ALDH7A1: variants seen among roughly 807,000 people sequenced by gnomAD.
The protein encoded by ALDH7A1 is alpha-aminoadipic semialdehyde dehydrogenase.
In ALDH7A1, 63 loss-of-function variants were observed where a neutral mutation model predicts 79.9. That is an observed-to-expected ratio of 0.79 (90% CI 0.64 to 0.97). ALDH7A1 has a LOEUF of 0.97. ALDH7A1 is among the 50% of genes least tolerant of loss of function. The pLI is 0.00. For synonymous variants in ALDH7A1, 240 were observed against 231.2 expected, an observed-to-expected ratio of 1.04 and a Z score of -0.34; for missense variants, 627 against 665.2, an observed-to-expected ratio of 0.94 and a Z score of 0.63.
intron 3 of ALDH7A1, 149 bp downstream of exon 3, chr5:126,592,515 G>C: frequency 1.4e-6 from 1 of 731,302 alleles, no homozygotes; most frequent in Non-Finnish European, 2.3e-6. Flanking sequence ...TTCCAAAACA[G>C]CAGGAGCCCT....
In ALDH7A1 at chr5:126,567,879, G is replaced by T. The variant is rs1162279536; in HGVS notation, c.871+380C>A. 2.1e-5 allele frequency: 6 copies of T among 287,844 alleles called. 1 individual carries two copies. In the East Asian group the frequency reaches 4.3e-4, roughly 20 times the overall value. The allele number at this position is 287,844 out of a possible 1,614,324, so 17.8% of individuals were successfully genotyped here. On this transcript the variant is annotated intron_variant, in intron 9 of 17. Transcript: ENST00000409134. ...GCTCACTGCAAGCTCCACCTCCCGG[G>T]TTCAGACCATTCTCTTGCCTCAGCC...
chr5:126,557,126 T>C (rs942338163), intron 11 of ALDH7A1, among the ~76,000 whole-genome samples: 2 of 152,138 alleles, frequency 1.3e-5, no homozygotes, highest in African/African-American at 4.8e-5. Context: ...GAGTGCATGG[T>C]TTTTTCTTAG....
In ALDH7A1 at chr5:126,570,811, A is replaced by G; in HGVS notation, c.744T>C (p.Cys248=). The change falls in exon 8 of 18, where the codon TGT becomes TGC. Residue 248 remains cysteine (C), a synonymous_variant. Coordinates refer to ENST00000409134, the MANE Select transcript of ALDH7A1 (RefSeq NM_001182.5). ...TATCTGCTCCACCACAAGTCAAGGA[A>G]CAAATTGCACCAGGCAGCTTGTTGT... ...LEDNKLPGAI[C]SLTCGGADIG... 6.2e-7 allele frequency: 1 copy of G among 1,614,074 alleles called. No homozygotes were observed. Among genetic ancestry groups the G allele is most frequent in the South Asian group, 1.1e-5 (1 of 91,090 alleles).
intron 11 of ALDH7A1, among the ~76,000 whole-genome samples, chr5:126,558,166 C>CAAAAAAAAA (rs35559498): frequency 2.5e-4 from 19 of 75,412 alleles, no homozygotes; most frequent in East Asian, 1.0e-3. Flanking sequence ...GACTCCAACT[C>CAAAAAAAAA]AAAAAAAAAA....
chr5:126,560,510 T>C (rs1750368968), intron 10 of ALDH7A1, among the ~76,000 whole-genome samples: 1 of 152,192 alleles, frequency 6.6e-6, no homozygotes, highest in South Asian at 2.1e-4. Context: ...CTTCACCATA[T>C]ACTTCTTATA....
chr5:126,594,587 G>A (rs1451756283), intron 1 of ALDH7A1: 4 of 309,890 alleles, frequency 1.3e-5, no homozygotes, highest in Non-Finnish European at 2.5e-5. Flanking sequence ...TGGGATTACA[G>A]GCATGCGCCA....
In ALDH7A1 at chr5:126,564,483, G is replaced by A. The variant is rs182870685; in HGVS notation, c.872-3359C>T. ...ATTTATTACTGATCTTTTGATCATC[G>A]ATTTCCTTAAGTGCACTTTAAAATC... On this transcript the variant is annotated intron_variant, in intron 9 of 17. Coordinates refer to ENST00000409134, the MANE Select transcript of ALDH7A1 (RefSeq NM_001182.5). 234 of 1,196,060 alleles carry A rather than the reference G, an allele frequency of 2.0e-4. No homozygotes were observed. In the African/African-American group the frequency reaches 3.0e-3, roughly 15 times the overall value. 74.1% of individuals were successfully genotyped at this position (1,196,060 alleles called of 1,614,324 possible). A position where few individuals can be genotyped will look rare whatever the true frequency, so the allele number is the denominator to read the frequency against.
At chr5:126,576,950 T>A in intron 6 of ALDH7A1, 129 bp downstream of exon 6, 1 of 1,220,966 alleles carries the variant, frequency 8.2e-7, no homozygotes, top group African/African-American at 1.5e-5. Context: ...TAAAATAAAG[T>A]TTTATTGAAG....
At chr5:126,573,850 G>C (rs1471585811) in intron 7 of ALDH7A1, among the ~76,000 whole-genome samples, 1 of 145,278 alleles carries the variant, frequency 6.9e-6, no homozygotes, top group Non-Finnish European at 1.5e-5. Context: ...CTGGGCGACA[G>C]AGCAAGACTC....
intron 16 of ALDH7A1, among the ~76,000 whole-genome samples, chr5:126,548,078 GC>G (rs1240379943): frequency 1.3e-5 from 2 of 152,060 alleles, no homozygotes; most frequent in South Asian, 4.2e-4. Context: ...TCTCAATGTA[GC>G]CTCTGGGAAA....
At chr5:126,594,925 C>G in intron 1 of ALDH7A1, 82 bp downstream of exon 1, 1 of 1,521,128 alleles carries the variant, frequency 6.6e-7, no homozygotes, top group Admixed American at 2.0e-5. Context: ...CCAGCGCCAG[C>G]GGGGAGTCGG....
rs1315874191 is a variant in ALDH7A1, at chr5:126,543,249, T to C, written c.*1716A>G. On this transcript the variant is annotated 3_prime_UTR_variant, in exon 18 of 18. Transcript: ENST00000409134. ...AACAAATTGAAGGCATATGTTTTAATGAACATTATAACCAAAAAAAATTGA... is the reference window on the plus strand; with the variant it reads ...AACAAATTGAAGGCATATGTTTTAACGAACATTATAACCAAAAAAAATTGA... The C allele has an allele frequency of 2.6e-5, 3 of 116,442 alleles. No homozygotes were observed. Among genetic ancestry groups the C allele is most frequent in the African/African-American group, 1.1e-4 (3 of 28,274 alleles). 7.2% of individuals were successfully genotyped at this position (116,442 alleles called of 1,614,324 possible). A position where few individuals can be genotyped will look rare whatever the true frequency, so the allele number is the denominator to read the frequency against.
At position 126,582,943 on chromosome 5, in the gene ALDH7A1, T is replaced by G; in HGVS notation, c.425A>C (p.Glu142Ala). 6.2e-7 allele frequency: 1 copy of G among 1,613,922 alleles called. No individual in the cohort carries two copies. The highest frequency in any genetic ancestry group is 8.5e-7 in the Non-Finnish European group (1 of 1,179,936). The change falls in exon 5 of 18, where the codon GAA (glutamate) becomes GCA (alanine). Residue 142 changes from glutamate to alanine, a missense_variant. By Grantham distance (107) the Glu-to-Ala change is moderately radical. Transcript: ENST00000409134. ...ATACTCCTGAACTTCACCCACACCTTCCACTAAGATTTTCCCCATCTCCAA... is the reference window on the plus strand; with the variant it reads ...ATACTCCTGAACTTCACCCACACCTGCCACTAAGATTTTCCCCATCTCCAA... ...VSLEMGKILV[E>A]GVGEVQEYVD...
intron 9 of ALDH7A1, among the ~76,000 whole-genome samples, chr5:126,566,300 T>G (rs769278071): frequency 2.0e-5 from 3 of 152,246 alleles, no homozygotes; most frequent in Non-Finnish European, 4.4e-5. Context: ...ACACTTCTTT[T>G]GTTAAATGTA....
At chr5:126,585,152 G>A (rs1236780335) in intron 3 of ALDH7A1, among the ~76,000 whole-genome samples, 1 of 152,094 alleles carries the variant, frequency 6.6e-6, no homozygotes, top group African/African-American at 2.4e-5. Flanking sequence ...ACAAAAATTA[G>A]CCGGGCATGG....
intron 7 of ALDH7A1, among the ~76,000 whole-genome samples, chr5:126,572,340 T>G (rs1416979657): frequency 1.3e-5 from 2 of 152,216 alleles, no homozygotes; most frequent in Non-Finnish European, 2.9e-5. Context: ...GGTTTCAGGA[T>G]GTACAATTCT....
chr5:126,543,278 C>T lies in ALDH7A1; in HGVS notation c.*1687G>A, dbSNP rs1210004784. On this transcript the variant is annotated 3_prime_UTR_variant, in exon 18 of 18. Coordinates refer to ENST00000409134, the MANE Select transcript of ALDH7A1 (RefSeq NM_001182.5). ...CATTATAACCAAAAAAAATTGAGTC[C>T]TTGTGCTAGAAACATGTAGAAGAAA... The T allele has an allele frequency of 6.6e-6, 1 of 151,954 alleles. No homozygotes were observed. Among genetic ancestry groups the T allele is most frequent in the African/African-American group, 2.4e-5 (1 of 41,328 alleles). The allele number at this position is 151,954 out of a possible 1,614,324, so 9.4% of individuals were successfully genotyped here.
Position 126,593,461 on chromosome 5 carries a change from G to A in ALDH7A1, c.193-57C>T, listed in dbSNP as rs772160092. ...AAAACGTAATCCCTTTTGAAGTAAG[G>A]GAATAGACCAAACGGGGAAGAAAAA... On this transcript the variant is annotated intron_variant, in intron 1 of 17. Transcript: ENST00000409134. 4.4e-6 allele frequency: 7 copies of A among 1,608,456 alleles called. 1 individual carries two copies. The South Asian group carries it at 4.4e-5, about 10-fold the overall frequency.
intron 5 of ALDH7A1, 88 bp downstream of exon 5, chr5:126,582,763 T>C: frequency 1.3e-6 from 2 of 1,499,238 alleles, no homozygotes; most frequent in Non-Finnish European, 1.8e-6. Flanking sequence ...ATTTCTCTTT[T>C]GCACAGTCAA....
Sources: allele counts gnomAD v4.1 joint callset (sites outside exome capture counted in the v4.1 genomes callset), GRCh38; gene constraint gnomAD v4.1.1; transcripts MANE v1.5; gene names NCBI Gene and HGNC (gene_info 2026-07-23, HGNC 2026-07-21).